SGCZ: variants seen among roughly 807,000 people sequenced by gnomAD.
SGCZ encodes the protein sarcoglycan zeta.
SGCZ carries 40 observed loss-of-function variants against 41.3 expected under a neutral mutation model. The ratio of observed to expected loss-of-function variants is 0.97; its 90% confidence interval spans 0.75 to 1.26. SGCZ has a LOEUF of 1.26. Among genes scored for constraint, SGCZ ranks in the 50% most tolerant of loss-of-function variants. The probability of loss-of-function intolerance (pLI) is 0.00; values close to 1 mark genes in which losing one functional copy is unlikely to be tolerated. For missense variants in SGCZ, 552 were observed against 369.8 expected (o/e 1.49, Z -4.04); for synonymous variants, 206 against 137.5 (o/e 1.50, Z -3.49).
At chr8:14,877,172 C>T (rs570592714) in intron 1 of SGCZ, among the ~76,000 whole-genome samples, 2 of 152,132 alleles carry the variant, frequency 1.3e-5, no homozygotes, top group East Asian at 1.9e-4. Context: ...CAGGGCTTCA[C>T]CATGTTGGCG....
intron 1 of SGCZ, among the ~76,000 whole-genome samples, chr8:15,059,463 T>C (rs1255706227): frequency 6.6e-6 from 1 of 152,190 alleles, no homozygotes. Context: ...TATGAAATGG[T>C]TTCTTTTAGA....
intron 1 of SGCZ, among the ~76,000 whole-genome samples, chr8:15,197,975 T>G (rs1037597835): frequency 1.3e-5 from 2 of 148,890 alleles, no homozygotes; most frequent in African/African-American, 4.9e-5. Context: ...ATATATATAT[T>G]ATGTACAGAT....
intron 2 of SGCZ, among the ~76,000 whole-genome samples, chr8:14,394,143 C>CTTTTTTTTTTTTTTTTTTTTTTTTTTT (rs75054512): frequency 1.7e-5 from 2 of 117,420 alleles, no homozygotes. Context: ...CGCCCCCCAC[C>CTTTTTTTTTTTTTTTTTTTTTTTTTTT]TTTTTTTTTT....
chr8:14,093,701 A>G (rs1801757263), intron 7 of SGCZ, among the ~76,000 whole-genome samples: 1 of 152,096 alleles, frequency 6.6e-6, no homozygotes, highest in African/African-American at 2.4e-5. Context: ...TAAGCCAGAA[A>G]AAGAATTCAT....
chr8:14,242,705 G>A (rs1223730006), intron 3 of SGCZ, among the ~76,000 whole-genome samples: 3 of 151,960 alleles, frequency 2.0e-5, no homozygotes, highest in African/African-American at 7.2e-5. Context: ...AATAAGTATA[G>A]TACAAAAAGA....
intron 1 of SGCZ, among the ~76,000 whole-genome samples, chr8:15,031,359 C>T (rs1803656118): frequency 1.3e-5 from 2 of 152,098 alleles, no homozygotes. Context: ...TAGTGTCTGC[C>T]ACTCATCAGG....
chr8:15,168,121 T>C (rs1598182), intron 1 of SGCZ, among the ~76,000 whole-genome samples: 49,548 of 152,074 alleles, frequency 0.33, 8,760 homozygotes, highest in East Asian at 0.72. Flanking sequence ...CCTTAGCATT[T>C]GGCTTATGTT....
intron 1 of SGCZ, among the ~76,000 whole-genome samples, chr8:15,068,112 A>G (rs1805218777): frequency 6.6e-6 from 1 of 152,210 alleles, no homozygotes. Flanking sequence ...CAGAAATCAA[A>G]TCTTCATGAA....
intron 1 of SGCZ, among the ~76,000 whole-genome samples, chr8:15,158,774 G>A (rs1337590602): frequency 6.6e-6 from 1 of 152,172 alleles, no homozygotes; most frequent in Non-Finnish European, 1.5e-5. Flanking sequence ...TGGAAGATGA[G>A]GGTCACAGGG....
intron 2 of SGCZ, among the ~76,000 whole-genome samples, chr8:14,376,543 G>A (rs565086956): frequency 1.3e-5 from 2 of 152,062 alleles, no homozygotes; most frequent in Admixed American, 1.3e-4. Context: ...AATAGACTTT[G>A]ACAAAATAAT....
At chr8:14,853,518 C>T (rs201568322) in intron 1 of SGCZ, 45 of 529,866 alleles carry the variant, frequency 8.5e-5, no homozygotes, top group South Asian at 1.5e-4. Context: ...GAGCAGGTGA[C>T]GGGGAGATTC....
intron 1 of SGCZ, among the ~76,000 whole-genome samples, chr8:15,215,370 T>C (rs1420217271): frequency 6.6e-6 from 1 of 152,216 alleles, no homozygotes; most frequent in African/African-American, 2.4e-5. Flanking sequence ...AAAATTCCAT[T>C]ATCTGAATAT....
intron 1 of SGCZ, among the ~76,000 whole-genome samples, chr8:15,177,394 C>T (rs1429804114): frequency 6.6e-6 from 1 of 151,622 alleles, no homozygotes; most frequent in East Asian, 1.9e-4. Context: ...TGAGGCCTTA[C>T]CTCAATGGAT....
Position 14,965,040 on chromosome 8 carries a change from C to T in SGCZ, c.39+272545G>A, listed in dbSNP as rs192282743. On this transcript the variant is annotated intron_variant, in intron 1 of 7. Transcript: ENST00000382080. ...GAGACTCATTTGTGTCCCCCATTCC[C>T]GAGGTAAGACTTCTACATGCTAAGA... Among the ~76,000 whole-genome samples the T allele has an allele frequency of 2.0e-4, 31 of 152,112 alleles. No individual in the cohort carries two copies. The East Asian group carries it at 6.0e-3, about 30-fold the overall frequency.
At chr8:15,127,303 A>G (rs1807740754) in intron 1 of SGCZ, among the ~76,000 whole-genome samples, 1 of 151,780 alleles carries the variant, frequency 6.6e-6, no homozygotes, top group Non-Finnish European at 1.5e-5. Context: ...CATACATGGC[A>G]TACCAGGATA....
intron 1 of SGCZ, among the ~76,000 whole-genome samples, chr8:14,719,496 C>T (rs1809809892): frequency 1.3e-5 from 2 of 151,606 alleles, no homozygotes; most frequent in South Asian, 4.2e-4. Context: ...CCTATTTCTC[C>T]ACATCCTCTC....
At chr8:15,104,747 C>T (rs1806755610) in intron 1 of SGCZ, among the ~76,000 whole-genome samples, 2 of 152,226 alleles carry the variant, frequency 1.3e-5, no homozygotes, top group South Asian at 4.1e-4. Context: ...GAAGTGTACC[C>T]ATGTTCCATA....
intron 1 of SGCZ, among the ~76,000 whole-genome samples, chr8:15,080,114 A>G (rs1805684281): frequency 6.6e-6 from 1 of 151,720 alleles, no homozygotes; most frequent in African/African-American, 2.4e-5. Context: ...TCAATTATTT[A>G]TTTGATTCCT....
chr8:14,295,146 C>T (rs1800966767), intron 3 of SGCZ, among the ~76,000 whole-genome samples: 2 of 152,080 alleles, frequency 1.3e-5, no homozygotes, highest in Admixed American at 1.3e-4. Flanking sequence ...ATGTTTATAG[C>T]GGCTTTATTT....
Sources: gnomAD v4.1 joint callset for allele counts (sites outside exome capture counted in the v4.1 genomes callset) on GRCh38, gnomAD v4.1.1 for gene constraint, MANE v1.5 for transcripts, NCBI Gene and HGNC (gene_info 2026-07-23, HGNC 2026-07-21) for gene names.